The following SCFD2 variants were observed in gnomAD, a reference collection of about 807,000 sequenced individuals.
SCFD2 encodes sec1 family domain containing 2.
Under a neutral mutation model 58.9 loss-of-function variants are expected in SCFD2, and 54 were observed. The observed-to-expected ratio is 0.92, with a 90% CI of 0.74 to 1.15. The LOEUF is 1.15. Among genes scored for constraint, SCFD2 ranks in the 50% most tolerant of loss-of-function variants. The pLI is 0.00. For synonymous variants in SCFD2, 321 were observed against 335.9 expected (o/e 0.96, Z 0.49); for missense variants, 805 against 836.6 (o/e 0.96, Z 0.47).
intron 5 of SCFD2, among the ~76,000 whole-genome samples, chr4:52,930,209 C>A (rs1407691695): frequency 4.6e-5 from 7 of 152,144 alleles, no homozygotes; most frequent in Admixed American, 1.3e-4. Flanking sequence ...CACACATCTA[C>A]AACCATCTGA....
intron 5 of SCFD2, among the ~76,000 whole-genome samples, chr4:53,080,671 G>A (rs1724119350): frequency 6.6e-6 from 1 of 152,056 alleles, no homozygotes; most frequent in East Asian, 1.9e-4. Context: ...CAGCAAATAG[G>A]GAGGGGTTGT....
intron 5 of SCFD2, among the ~76,000 whole-genome samples, chr4:52,944,024 T>C (rs1720357914): frequency 1.3e-5 from 2 of 152,174 alleles, no homozygotes; most frequent in Admixed American, 1.3e-4. Flanking sequence ...ATTTAGCAGA[T>C]AAACCCTTAG....
chr4:52,967,675 C>T (rs1292509373), intron 5 of SCFD2, among the ~76,000 whole-genome samples: 4 of 152,154 alleles, frequency 2.6e-5, no homozygotes, highest in Non-Finnish European at 5.9e-5. Flanking sequence ...CACATATTTC[C>T]TCATGAGACT....
chr4:52,971,667 G>A (rs1302524236), intron 5 of SCFD2, among the ~76,000 whole-genome samples: 6 of 152,198 alleles, frequency 3.9e-5, no homozygotes, highest in South Asian at 2.1e-4. Flanking sequence ...TACAGGGAAC[G>A]CCACAAAGAT....
chr4:53,177,372 A>G (rs1005262516), intron 4 of SCFD2, among the ~76,000 whole-genome samples: 16 of 152,230 alleles, frequency 1.1e-4, no homozygotes, highest in African/African-American at 3.9e-4. Context: ...AAGACCATGC[A>G]GAATCTGGAG....
chr4:53,296,331 T>G, intron 3 of SCFD2, among the ~76,000 whole-genome samples: 1 of 152,222 alleles, frequency 6.6e-6, no homozygotes, highest in East Asian at 1.9e-4. Flanking sequence ...TATCGGTCTA[T>G]TCAGGGATTC....
intron 5 of SCFD2, among the ~76,000 whole-genome samples, chr4:52,995,173 T>G (rs937068444): frequency 1.3e-5 from 2 of 152,314 alleles, no homozygotes; most frequent in East Asian, 1.9e-4. Flanking sequence ...GCCCTGAGCT[T>G]CTTTTACTGC....
chr4:52,902,153 C>T (rs1719220239), intron 7 of SCFD2, among the ~76,000 whole-genome samples: 1 of 152,210 alleles, frequency 6.6e-6, no homozygotes, highest in African/African-American at 2.4e-5. Flanking sequence ...GGGGCTTCTG[C>T]CTCTGTGTTG....
At chr4:53,319,840 T>C (rs1732975461) in intron 2 of SCFD2, among the ~76,000 whole-genome samples, 1 of 152,238 alleles carries the variant, frequency 6.6e-6, no homozygotes, top group Non-Finnish European at 1.5e-5. Flanking sequence ...CCGTCTCTAC[T>C]TATTTTTAAC....
In SCFD2 at chr4:52,907,459, T is replaced by A. The variant is rs1278823827; in HGVS notation, c.1840A>T (p.Lys614Ter). 6.2e-7 allele frequency: 1 copy of A among 1,613,908 alleles called. No homozygotes were observed. The highest frequency in any genetic ancestry group is 2.2e-5 in the East Asian group (1 of 44,884). Residue 614 changes from lysine (K) to a stop codon, truncating the protein, a stop_gained and splice_region_variant, in exon 7 of 9, where the codon AAG (lysine) becomes TAG (stop). Transcript: ENST00000401642. LOFTEE classifies it high-confidence loss of function. Reference protein sequence around the residue: ...LLKTGFSMFMKVSRPHPSDYP... With the variant: ...LLKTGFSMFM ...TTACCTCTCCATGGTTACTTTACCT[T>A]CATGAACATGCTAAATCCAGTTTTA...
intron 4 of SCFD2, among the ~76,000 whole-genome samples, chr4:53,238,508 C>T (rs1313636155): frequency 4.0e-5 from 6 of 151,806 alleles, no homozygotes; most frequent in African/African-American, 1.2e-4. Flanking sequence ...GCTGACCCCC[C>T]CACCTCCCTC....
chr4:52,966,051 C>T (rs146449582), intron 5 of SCFD2, among the ~76,000 whole-genome samples: 1,664 of 152,208 alleles, frequency 0.011, 35 homozygotes, highest in African/African-American at 0.036. Context: ...CCTATGAAAA[C>T]GACATCTGAT....
chr4:53,294,494 T>C (rs1256533249), intron 3 of SCFD2, among the ~76,000 whole-genome samples: 1 of 152,248 alleles, frequency 6.6e-6, no homozygotes, highest in Non-Finnish European at 1.5e-5. Context: ...GGGTTGTTTT[T>C]TTCTTGTAAA....
At position 52,935,763 on chromosome 4, in the gene SCFD2, T is replaced by C. The variant is rs377503450; in HGVS notation, c.1562-14893A>G. Among the ~76,000 whole-genome samples the C allele has an allele frequency of 5.3e-5, 8 of 152,316 alleles. No individual in the cohort carries two copies. In the South Asian group the frequency reaches 1.7e-3, roughly 32 times the overall value. ...GCTTCCTCAGACTTTGGGGTAGGTT[T>C]TCATAGACCTGCCCAATGCAAAACA... On this transcript the variant is annotated intron_variant, in intron 5 of 8. Transcript: ENST00000401642.
intron 4 of SCFD2, among the ~76,000 whole-genome samples, chr4:53,161,865 C>T (rs758778924): frequency 1.3e-5 from 2 of 152,166 alleles, no homozygotes; most frequent in Non-Finnish European, 2.9e-5. Context: ...CCTCTAAAAA[C>T]CCAGGGTTTT....
intron 5 of SCFD2, among the ~76,000 whole-genome samples, chr4:53,103,519 A>C (rs957748097): frequency 2.0e-5 from 3 of 149,752 alleles, no homozygotes; most frequent in Non-Finnish European, 4.4e-5. Flanking sequence ...ATATTTATAG[A>C]TATCTATATT....
intron 5 of SCFD2, among the ~76,000 whole-genome samples, chr4:53,131,206 G>A (rs1190777273): frequency 6.6e-6 from 1 of 152,144 alleles, no homozygotes; most frequent in Non-Finnish European, 1.5e-5. Flanking sequence ...ATTTATTACT[G>A]TAATAATAGA....
intron 5 of SCFD2, among the ~76,000 whole-genome samples, chr4:53,132,589 A>C (rs1438359158): frequency 6.6e-6 from 1 of 152,220 alleles, no homozygotes; most frequent in African/African-American, 2.4e-5. Context: ...GAAACAAGAG[A>C]TTAGTCAAAA....
At chr4:53,089,051 C>T (rs779147608) in intron 5 of SCFD2, among the ~76,000 whole-genome samples, 1 of 152,056 alleles carries the variant, frequency 6.6e-6, no homozygotes, top group Non-Finnish European at 1.5e-5. Context: ...ATCTGTGAAC[C>T]TGGAAGAAGG....
Sources: allele counts gnomAD v4.1 joint callset (sites outside exome capture counted in the v4.1 genomes callset), GRCh38; gene constraint gnomAD v4.1.1; transcripts MANE v1.5; gene names NCBI Gene and HGNC (gene_info 2026-07-23, HGNC 2026-07-21).